Variants in APBB2 observed in about 807,000 individuals in gnomAD.
APBB2 encodes the protein amyloid beta precursor protein binding family B member 2, also known as Fe65-like 1.
APBB2 carries 38 observed loss-of-function variants against 82.5 expected under a neutral mutation model. The observed-to-expected ratio is 0.46, with a 90% CI of 0.36 to 0.60. The LOEUF (loss-of-function observed/expected upper bound fraction) is 0.60, where lower values mean the gene tolerates loss of function less well. Among genes scored for constraint, APBB2 ranks in the 20% least tolerant of loss-of-function variants. APBB2 has a pLI of 0.00. For synonymous variants in APBB2, 341 were observed against 368.2 expected (o/e 0.93, Z 0.85); for missense variants, 772 against 972.3 (o/e 0.79, Z 2.74).
chr4:41,148,192 AGG>A (rs1560880381), intron 1 of APBB2, among the ~76,000 whole-genome samples: 3 of 152,224 alleles, frequency 2.0e-5, no homozygotes, highest in Non-Finnish European at 4.4e-5. Context: ...AGTTTGGAAA[AGG>A]GTTCATGTAA....
At chr4:41,085,259 AAAAAAAAAAAG>A (rs1395088436) in intron 3 of APBB2, among the ~76,000 whole-genome samples, 1 of 151,846 alleles carries the variant, frequency 6.6e-6, no homozygotes, top group Non-Finnish European at 1.5e-5. Flanking sequence ...TCAAAAAAAA[AAAAAAAAAAAG>A]ACTGAAACTG....
intron 10 of APBB2, among the ~76,000 whole-genome samples, chr4:40,920,791 A>G (rs1020027175): frequency 2.6e-5 from 4 of 152,154 alleles, no homozygotes; most frequent in Non-Finnish European, 4.4e-5. Context: ...GAATCACTTG[A>G]ATCTGGGAGG....
chr4:41,187,330 A>G (rs867268590), intron 1 of APBB2, among the ~76,000 whole-genome samples: 3 of 152,204 alleles, frequency 2.0e-5, no homozygotes, highest in Admixed American at 6.5e-5. Flanking sequence ...CCATTTTTAT[A>G]ACATGAAAAA....
chr4:40,812,680 G>A lies in APBB2; in HGVS notation c.*3412C>T, dbSNP rs958968581. 2.0e-5 allele frequency: 3 copies of A among 152,206 alleles called. No homozygotes were observed. The highest frequency in any genetic ancestry group is 4.4e-5 in the Non-Finnish European group (3 of 68,038). The allele number at this position is 152,206 out of a possible 1,614,324, so 9.4% of individuals were successfully genotyped here. ...GAACGGGCCATACAAACAGAGGAAAGCTCTGGGGCTTCCAGGCAATGGCCT... is the reference window on the plus strand; with the variant it reads ...GAACGGGCCATACAAACAGAGGAAAACTCTGGGGCTTCCAGGCAATGGCCT... On this transcript the variant is annotated 3_prime_UTR_variant, in exon 18 of 18. Coordinates refer to ENST00000508593, the MANE Select transcript of APBB2 (RefSeq NM_004307.2).
intron 1 of APBB2, among the ~76,000 whole-genome samples, chr4:41,171,995 G>A (rs1164660801): frequency 6.6e-6 from 1 of 152,198 alleles, no homozygotes; most frequent in African/African-American, 2.4e-5. Context: ...AGCTAATCGG[G>A]AGGCTAAGGC....
chr4:40,960,750 T>C (rs913079601), intron 6 of APBB2, among the ~76,000 whole-genome samples: 3 of 152,072 alleles, frequency 2.0e-5, no homozygotes, highest in East Asian at 1.9e-4. Flanking sequence ...CCCCGCCACT[T>C]TTTTTCTGTT....
chr4:41,173,558 C>G (rs1224667526), intron 1 of APBB2, among the ~76,000 whole-genome samples: 4 of 152,178 alleles, frequency 2.6e-5, no homozygotes, highest in South Asian at 2.1e-4. Context: ...GTGCACATAA[C>G]AACACTTCAG....
At chr4:41,092,201 A>T (rs112772614) in intron 3 of APBB2, among the ~76,000 whole-genome samples, 1 of 152,234 alleles carries the variant, frequency 6.6e-6, no homozygotes, top group Admixed American at 6.5e-5. Flanking sequence ...TTTTAAATGC[A>T]GGAAAACAAT....
intron 13 of APBB2, among the ~76,000 whole-genome samples, chr4:40,828,365 G>A (rs891776492): frequency 4.6e-5 from 7 of 152,140 alleles, no homozygotes; most frequent in Non-Finnish European, 8.8e-5. Flanking sequence ...AAAGTAACTC[G>A]GATCTTCATT....
Position 40,812,015 on chromosome 4 carries a change from C to T in APBB2, c.*4077G>A, listed in dbSNP as rs987962877. 9.2e-5 allele frequency: 14 copies of T among 152,122 alleles called. No homozygotes were observed. Among genetic ancestry groups the T allele is most frequent in the African/African-American group, 1.2e-4 (5 of 41,432 alleles). 9.4% of individuals were successfully genotyped at this position (152,122 alleles called of 1,614,324 possible). On this transcript the variant is annotated 3_prime_UTR_variant, in exon 18 of 18. Transcript: ENST00000508593. The stretch of plus-strand genomic sequence containing the variant: ...TAAAATATCACAATCCTAGCAAGAC[C>T]GCTTACAAAAGACTCGAGTTGGTGA...
chr4:40,906,195 A>T (rs1235005685), intron 10 of APBB2, among the ~76,000 whole-genome samples: 1 of 152,036 alleles, frequency 6.6e-6, no homozygotes, highest in East Asian at 1.9e-4. Context: ...AGTGGCTCAC[A>T]CCTATAATCC....
At chr4:41,189,187 T>C (rs1165180125) in intron 1 of APBB2, among the ~76,000 whole-genome samples, 1 of 152,152 alleles carries the variant, frequency 6.6e-6, no homozygotes, top group African/African-American at 2.4e-5. Flanking sequence ...ATATAATATA[T>C]ACAGTGGGAA....
rs1194163677 is a variant in APBB2 at position 41,081,761 on chromosome 4, T to C, written c.-148-16088A>G. On this transcript the variant is annotated intron_variant, in intron 3 of 17. Transcript: ENST00000508593. ...ATGGGATTATATAATCTTTCAACCA[T>C]CTTAACTTGAAATTTTTTTAACTAA... is the stretch of plus-strand genomic sequence containing the variant. 4.6e-5 allele frequency among the ~76,000 whole-genome samples: 7 copies of C among 152,060 alleles called. No individual in the cohort carries two copies. The East Asian group carries it at 5.8e-4, about 13-fold the overall frequency.
At chr4:41,161,664 C>G (rs987018385) in intron 1 of APBB2, among the ~76,000 whole-genome samples, 12 of 152,066 alleles carry the variant, frequency 7.9e-5, no homozygotes, top group Admixed American at 7.9e-4. Context: ...ACAATGAGGA[C>G]CCCACACAGC....
intron 1 of APBB2, among the ~76,000 whole-genome samples, chr4:41,146,997 C>T (rs1760959035): frequency 6.6e-6 from 1 of 152,222 alleles, no homozygotes; most frequent in Non-Finnish European, 1.5e-5. Context: ...CCCAAAACCA[C>T]TTCTCAAACC....
At chr4:40,842,222 C>A (rs116018415) in intron 12 of APBB2, 1 of 351,828 alleles carries the variant, frequency 2.8e-6, no homozygotes, top group Non-Finnish European at 5.8e-6. Flanking sequence ...TGATAAGAGG[C>A]GAAACAAAAC....
chr4:41,183,202 G>C (rs1771917125), intron 1 of APBB2, among the ~76,000 whole-genome samples: 1 of 152,064 alleles, frequency 6.6e-6, no homozygotes, highest in South Asian at 2.1e-4. Flanking sequence ...GCCCTCTCTA[G>C]CACCCTGGCC....
At chr4:41,116,595 C>T (rs931922456) in intron 2 of APBB2, among the ~76,000 whole-genome samples, 1 of 152,086 alleles carries the variant, frequency 6.6e-6, no homozygotes, top group African/African-American at 2.4e-5. Flanking sequence ...CGCGTCACTG[C>T]TTTCCAACAT....
chr4:41,072,492 A>C (rs1734230628), intron 3 of APBB2, among the ~76,000 whole-genome samples: 1 of 152,086 alleles, frequency 6.6e-6, no homozygotes, highest in African/African-American at 2.4e-5. Context: ...TTTGGAATTC[A>C]AATAAAATAA....
Sources: gnomAD v4.1 joint callset for allele counts (sites outside exome capture counted in the v4.1 genomes callset) on GRCh38, gnomAD v4.1.1 for gene constraint, MANE v1.5 for transcripts, NCBI Gene and HGNC (gene_info 2026-07-23, HGNC 2026-07-21) for gene names.